Variants in STRA6 observed in about 807,000 individuals in gnomAD.
STRA6 encodes receptor for retinol uptake STRA6.
STRA6 carries 48 observed loss-of-function variants against 83.6 expected under a neutral mutation model. The ratio of observed to expected loss-of-function variants is 0.57; its 90% CI spans 0.46 to 0.73. The LOEUF (loss-of-function observed/expected upper bound fraction) is 0.73. Ranked by LOEUF, STRA6 falls within the 30% of genes least tolerant of loss-of-function variation. The probability of loss-of-function intolerance (pLI) is 0.00; values close to 1 mark genes in which losing one functional copy is unlikely to be tolerated. For missense variants in STRA6, 760 were observed against 838.8 expected (o/e 0.91, Z 1.16); for synonymous variants, 353 against 362.3 (o/e 0.97, Z 0.29).
chr15:74,207,663 G>A (rs557098379), upstream of STRA6: 83 of 1,525,272 alleles, frequency 5.4e-5, no homozygotes, highest in African/African-American at 3.8e-4. Context: ...CAAGAGAGGC[G>A]TTCCAGGAGT....
In STRA6 at chr15:74,188,703, A is replaced by AGCTTTCT. The variant is rs2073380480; in HGVS notation, c.1090+411_1090+412insAGAAAGC. Among the ~76,000 whole-genome samples the AGCTTTCT allele has an allele frequency of 6.6e-6, 1 of 152,160 alleles. No homozygotes were observed. The highest frequency in any genetic ancestry group is 1.5e-5 in the Non-Finnish European group (1 of 68,008). ...CAAAAGACAGGGAGTGGGGAAGAGAAAGCCTGTGCCCTGCCCAACGCCAGA... is the reference window on the plus strand; with the variant it reads ...CAAAAGACAGGGAGTGGGGAAGAGAAGCTTTCTAGCCTGTGCCCTGCCCAACGCCAGA... On this transcript the variant is annotated intron_variant, in intron 12 of 18. Transcript: ENST00000395105. This position sits in a 1 kb window ranked among gnomAD's most constrained non-coding sequence, Gnocchi z 4.5.
At chr15:74,210,347 A>C (rs943651544), upstream of STRA6, among the ~76,000 whole-genome samples, 1 of 152,260 alleles carries the variant, frequency 6.6e-6, no homozygotes, top group African/African-American at 2.4e-5. Flanking sequence ...TTGCTGATAA[A>C]AAGAATGAGG....
chr15:74,179,832 G>A lies in STRA6; in HGVS notation c.*248C>T. 1.9e-6 allele frequency: 1 copy of A among 517,172 alleles called. No individual in the cohort carries two copies. Among genetic ancestry groups the A allele is most frequent in the South Asian group, 2.7e-5 (1 of 37,140 alleles). 32.0% of individuals were successfully genotyped at this position (517,172 alleles called of 1,614,324 possible). A position where few individuals can be genotyped will look rare whatever the true frequency, so the allele number is the denominator to read the frequency against. On this transcript the variant is annotated 3_prime_UTR_variant, in exon 19 of 19. Coordinates refer to ENST00000395105, the MANE Select transcript of STRA6 (RefSeq NM_022369.4). ...GGCTGCCCTGGCTCAACTGGCTCCTGGACCAAGGCCCTAACCCACCAGTTT... is the reference window on the plus strand; with the variant it reads ...GGCTGCCCTGGCTCAACTGGCTCCTAGACCAAGGCCCTAACCCACCAGTTT...
In STRA6 at chr15:74,191,472, G is replaced by C; in HGVS notation, c.740C>G (p.Ser247Cys). The C allele has an allele frequency of 1.2e-6, 2 of 1,614,186 alleles. No individual in the cohort carries two copies. Among genetic ancestry groups the C allele is most frequent in the Non-Finnish European group, 1.7e-6 (2 of 1,180,026 alleles). ...AGSKGLQSSY[S>C]EEYLRNLLCR... Reference sequence around the variant, plus strand: ...AAGGAGGTTCCTCAGATATTCCTCAGAGTAGCTGCTCTGCAGCCCCTGTGG... The same window carrying C: ...AAGGAGGTTCCTCAGATATTCCTCACAGTAGCTGCTCTGCAGCCCCTGTGG... The change falls in exon 9 of 19, where the codon TCT becomes TGT. Residue 247 changes from serine (S) to cysteine (C), a missense_variant. By Grantham distance (112) the Ser-to-Cys change is moderately radical. Coordinates refer to ENST00000395105, the MANE Select transcript of STRA6 (RefSeq NM_022369.4).
At chr15:74,201,606 T>C (rs749542812) in intron 2 of STRA6, among the ~76,000 whole-genome samples, 9 of 152,162 alleles carry the variant, frequency 5.9e-5, no homozygotes, top group Non-Finnish European at 1.0e-4. Flanking sequence ...CTAAAGGGAA[T>C]AGGCTCTCCT....
chr15:74,191,620 G>A, intron 8 of STRA6, 129 bp from the exon 9 acceptor site: 1 of 803,762 alleles, frequency 1.2e-6, no homozygotes, highest in South Asian at 1.4e-5. Flanking sequence ...GGCGGTGGTG[G>A]TGAGTGTGGA....
chr15:74,202,448 A>G (rs369125681), intron 1 of STRA6, 166 bp from the exon 2 acceptor site: 2 of 1,536,284 alleles, frequency 1.3e-6, no homozygotes, highest in African/African-American at 1.4e-5. Flanking sequence ...CCCGTCTGGG[A>G]CTGAGGGCCT....
intron 18 of STRA6, 107 bp from the exon 19 acceptor site, chr15:74,180,350 G>T: frequency 7.1e-7 from 1 of 1,415,588 alleles, no homozygotes; most frequent in Non-Finnish European, 9.9e-7. Flanking sequence ...TGTGCAGGTC[G>T]TGAGGCTTAG....
At chr15:74,189,087 G>A in intron 12 of STRA6, 28 bp downstream of exon 12, 1 of 1,613,266 alleles carries the variant, frequency 6.2e-7, no homozygotes, top group Non-Finnish European at 8.5e-7. Flanking sequence ...CCCCACTGCA[G>A]CCCTCAGGGG....
intron 7 of STRA6, chr15:74,194,447 A>C: frequency 5.1e-6 from 5 of 979,478 alleles, no homozygotes; most frequent in Non-Finnish European, 6.2e-6. Context: ...AGGTGGTGAA[A>C]AAAAGCCACC....
chr15:74,202,680 C>T (rs2074134670), intron 1 of STRA6, 33 bp downstream of exon 1: 2 of 1,382,834 alleles, frequency 1.4e-6, no homozygotes, highest in Non-Finnish European at 1.9e-6. Context: ...CTTCCCCTTT[C>T]CCAAGCCCAC....
rs942040014 is a variant in STRA6, at chr15:74,195,124, C to A, written c.597+178G>T. 18 of 1,492,572 alleles carry A rather than the reference C, an allele frequency of 1.2e-5. No homozygotes were observed. The South Asian group carries it at 2.1e-4, about 17-fold the overall frequency. 92.5% of individuals were successfully genotyped at this position (1,492,572 alleles called of 1,614,324 possible). A position where few individuals can be genotyped will look rare whatever the true frequency, so the allele number is the denominator to read the frequency against. Reference sequence around the variant, plus strand: ...CTGGGCCCAGCCACCTTGTTCCCTGCCTCTCCTGCAGAGCAGCCAAGCTTG... The same window carrying A: ...CTGGGCCCAGCCACCTTGTTCCCTGACTCTCCTGCAGAGCAGCCAAGCTTG... On this transcript the variant is annotated intron_variant, in intron 7 of 18. Transcript: ENST00000395105.
upstream of STRA6, among the ~76,000 whole-genome samples, chr15:74,209,935 A>G (rs2074345126): frequency 6.6e-6 from 1 of 152,194 alleles, no homozygotes; most frequent in African/African-American, 2.4e-5. Flanking sequence ...TGCCATCTAT[A>G]AAAAGGTGGG....
In STRA6 at chr15:74,191,423, C is replaced by A. The variant is rs2142033785; in HGVS notation, c.788+1G>T. 6.2e-7 allele frequency: 1 copy of A among 1,614,154 alleles called. No individual in the cohort carries two copies. Among genetic ancestry groups the A allele is most frequent in the Non-Finnish European group, 8.5e-7 (1 of 1,179,998 alleles). ...CACAAAGGGTGTGTCAGAGACCCCA[C>A]CTGCTTCCCAGCTTCTTCCTGCAAA... On this transcript the variant is annotated splice_donor_variant, in intron 9 of 18. Coordinates refer to ENST00000395105, the MANE Select transcript of STRA6 (RefSeq NM_022369.4). LOFTEE classifies it high-confidence loss of function.
rs951763695 is a variant in STRA6, at chr15:74,180,152, C to T, written c.1932G>A (p.Thr644=). Reference sequence around the variant, plus strand: ...CCTGCAGGGTTGGGTTGTGCAGCAGCGTGTAGGCCAGACCCCAGCGAGCCC... The same window carrying T: ...CCTGCAGGGTTGGGTTGTGCAGCAGTGTGTAGGCCAGACCCCAGCGAGCCC... ...RGRARWGLAY[T]LLHNPTLQVF... Residue 644 remains threonine, a synonymous_variant, in exon 19 of 19, where the codon ACG becomes ACA. Transcript: ENST00000395105. The T allele has an allele frequency of 1.6e-5, 26 of 1,613,740 alleles. No individual in the cohort carries two copies. The highest frequency in any genetic ancestry group is 1.8e-5 in the Non-Finnish European group (21 of 1,179,892).
rs1421769610 is a variant in STRA6, at chr15:74,197,303, C to T, written c.266+35G>A. 3.4e-6 allele frequency: 5 copies of T among 1,491,844 alleles called. No individual in the cohort carries two copies. In the Admixed American group the frequency reaches 5.9e-5, roughly 18 times the overall value. 92.4% of individuals were successfully genotyped at this position (1,491,844 alleles called of 1,614,324 possible). A position where few individuals can be genotyped will look rare whatever the true frequency, so the allele number is the denominator to read the frequency against. ...CCCAGAGGGACCCTGTCAGCTGGGT[C>T]CCCTGAGTGGGGGTGCCCAGGCCAT... On this transcript the variant is annotated intron_variant, in intron 4 of 18. Transcript: ENST00000395105.
chr15:74,211,363 C>T (rs2142124894), upstream of STRA6, among the ~76,000 whole-genome samples: 1 of 147,978 alleles, frequency 6.8e-6, no homozygotes, highest in African/African-American at 2.5e-5. Context: ...CTGCCTACTG[C>T]TGGGTCTCTC....
chr15:74,197,014 T>C (rs1431868050), intron 4 of STRA6, among the ~76,000 whole-genome samples: 2 of 152,148 alleles, frequency 1.3e-5, no homozygotes, highest in Non-Finnish European at 2.9e-5. Context: ...CAAGATGGCA[T>C]TGGGATGGTC....
At chr15:74,186,775 G>T (rs553912843) in intron 12 of STRA6, among the ~76,000 whole-genome samples, 1 of 149,746 alleles carries the variant, frequency 6.7e-6, no homozygotes, top group Admixed American at 6.6e-5. Flanking sequence ...CATCTCAAAA[G>T]AAAAAAAAAA....
Sources: allele counts gnomAD v4.1 joint callset (sites outside exome capture counted in the v4.1 genomes callset), GRCh38; gene constraint gnomAD v4.1.1; non-coding constraint Gnocchi (gnomAD v3.1); transcripts MANE v1.5; gene names NCBI Gene and HGNC (gene_info 2026-07-23, HGNC 2026-07-21).